ITGAE: variants seen among roughly 807,000 people sequenced by gnomAD.
ITGAE encodes integrin subunit alpha E.
A neutral mutation model predicts 136.5 loss-of-function variants in ITGAE; 99 were observed. The observed-to-expected ratio is 0.73, with a 90% confidence interval of 0.62 to 0.86. The LOEUF (loss-of-function observed/expected upper bound fraction) is 0.86. Ranked by LOEUF, ITGAE falls within the 40% of genes least tolerant of loss-of-function variation. The pLI, the probability that ITGAE is intolerant of heterozygous loss-of-function variation, is 0.00. For synonymous variants in ITGAE, 613 were observed against 591.8 expected, an observed-to-expected ratio of 1.04 and a Z score of -0.52; for missense variants, 1,447 against 1,515.3, an observed-to-expected ratio of 0.95 and a Z score of 0.75.
intron 1 of ITGAE, among the ~76,000 whole-genome samples, chr17:3,796,135 ATG>A (rs145464471): frequency 3.9e-4 from 8 of 20,380 alleles, no homozygotes; most frequent in African/African-American, 1.6e-3. Context: ...GTGTGCATCC[ATG>A]TGTGTGCATC....
At chr17:3,749,028 T>C (rs111492171) in intron 16 of ITGAE, among the ~76,000 whole-genome samples, 3,603 of 152,228 alleles carry the variant, frequency 0.024, 97 homozygotes, top group African/African-American at 0.064. Flanking sequence ...GGAAAGGCTG[T>C]GGCAGCAGTG....
At chr17:3,731,525 A>G (rs2051344048) in intron 22 of ITGAE, among the ~76,000 whole-genome samples, 1 of 151,538 alleles carries the variant, frequency 6.6e-6, no homozygotes, top group Non-Finnish European at 1.5e-5. Context: ...TATTCTTAGT[A>G]GAGACGGGGT....
intron 1 of ITGAE, among the ~76,000 whole-genome samples, chr17:3,797,781 T>C (rs1047060824): frequency 6.6e-6 from 1 of 152,166 alleles, no homozygotes; most frequent in Non-Finnish European, 1.5e-5. Context: ...ACGTTTCTCA[T>C]GAGTGTGTCC....
At position 3,799,474 on chromosome 17, in the gene ITGAE, C is replaced by G. The variant is rs1479696868; in HGVS notation, c.34+1637G>C. 2.0e-5 allele frequency among the ~76,000 whole-genome samples: 3 copies of G among 152,122 alleles called. No homozygotes were observed. The highest frequency in any genetic ancestry group is 4.4e-5 in the Non-Finnish European group (3 of 68,028). On this transcript the variant is annotated intron_variant, in intron 1 of 30. Transcript: ENST00000263087. This position sits in a 1 kb window ranked among gnomAD's most constrained non-coding sequence, Gnocchi z 4.1. ...AGGCACTGAGGTGATGGGTGGTGGTCTCAGAGGCTAAAGGAGACAGATGAG... is the reference window on the plus strand; with the variant it reads ...AGGCACTGAGGTGATGGGTGGTGGTGTCAGAGGCTAAAGGAGACAGATGAG...
At chr17:3,790,650 G>A (rs532299353) in intron 1 of ITGAE, among the ~76,000 whole-genome samples, 6 of 152,198 alleles carry the variant, frequency 3.9e-5, no homozygotes, top group Admixed American at 3.3e-4. Context: ...GGCAGTTTGG[G>A]GAATAAAAAG....
In ITGAE at chr17:3,753,886, G is replaced by C; in HGVS notation, c.1424C>G (p.Ser475Cys). Residue 475 changes from serine (S) to cysteine (C), a missense_variant, in exon 13 of 31, where the codon TCC becomes TGC. Around this residue, in one of 3 missense-constraint regions of ITGAE, gnomAD observed 1,031 missense variants for 1,011.4 expected, o/e 1.02. Coordinates refer to ENST00000263087, the MANE Select transcript of ITGAE (RefSeq NM_002208.5). ...VAVLHKTCSL[S>C]YIAGAPRYKH... ...GTACCGTGGAGCCCCCGCGATGTAGGAGAGGCTGCAGGTCTTGTGCAGCAC... is the reference window on the plus strand; with the variant it reads ...GTACCGTGGAGCCCCCGCGATGTAGCAGAGGCTGCAGGTCTTGTGCAGCAC... The C allele has an allele frequency of 6.2e-7, 1 of 1,614,146 alleles. No homozygotes were observed. Among genetic ancestry groups the C allele is most frequent in the Non-Finnish European group, 8.5e-7 (1 of 1,180,008 alleles).
At chr17:3,769,126 C>A (rs1019891395) in intron 2 of ITGAE, among the ~76,000 whole-genome samples, 1 of 152,162 alleles carries the variant, frequency 6.6e-6, no homozygotes, top group South Asian at 2.1e-4. Flanking sequence ...TGGGCTCCAC[C>A]GCAGACCCCG....
intron 3 of ITGAE, among the ~76,000 whole-genome samples, chr17:3,763,493 A>C (rs1317261054): frequency 3.3e-5 from 5 of 152,208 alleles, no homozygotes; most frequent in Non-Finnish European, 7.3e-5. Context: ...CAACACTAAA[A>C]GTGTGAACTT....
Position 3,759,543 on chromosome 17 carries a change from G to C in ITGAE, c.725C>G (p.Ala242Gly), listed in dbSNP as rs1567539569. Residue 242 changes from alanine to glycine, a missense_variant, in exon 8 of 31, where the codon GCC (alanine) becomes GGC (glycine). Around this residue, in one of 3 missense-constraint regions of ITGAE, gnomAD observed 310 missense variants for 416.1 expected, o/e 0.74. Transcript: ENST00000263087. ...FYEKCFECNF[A>G]LVQYGGVIQT... ...GATCACTCCTCCATACTGCACCAAG[G>C]CAAAGTTGCACTGCAGGGGATGGGC... The C allele has an allele frequency of 6.2e-7, 1 of 1,611,760 alleles. No individual in the cohort carries two copies. The highest frequency in any genetic ancestry group is 8.5e-7 in the Non-Finnish European group (1 of 1,178,074).
chr17:3,735,965 G>A (rs1442519660), intron 20 of ITGAE, among the ~76,000 whole-genome samples: 1 of 152,104 alleles, frequency 6.6e-6, no homozygotes, highest in Admixed American at 6.6e-5. Context: ...CCAAGATGGT[G>A]AAACCCCGTC....
chr17:3,724,369 G>A (rs55991903), intron 26 of ITGAE: 22,687 of 1,604,840 alleles, frequency 0.014, 190 homozygotes, highest in Non-Finnish European at 0.017. Context: ...GACTCCGGCC[G>A]CCTCAGCCCG....
rs200199330 is a variant in ITGAE at position 3,764,007 on chromosome 17, G to A, written c.156-47C>T. 4.6e-5 allele frequency: 62 copies of A among 1,357,316 alleles called. No individual in the cohort carries two copies. In the East Asian group the frequency reaches 1.2e-3, roughly 26 times the overall value. 84.1% of individuals were successfully genotyped at this position (1,357,316 alleles called of 1,614,324 possible). ...AAAGCTGAGCTGGCTGATGTTCCTCGTCTTCTCCCTGCCTGCCCAGCACCC... is the reference window on the plus strand; with the variant it reads ...AAAGCTGAGCTGGCTGATGTTCCTCATCTTCTCCCTGCCTGCCCAGCACCC... On this transcript the variant is annotated intron_variant, in intron 2 of 30. Transcript: ENST00000263087.
rs368584603 is a variant in ITGAE, at chr17:3,725,203, G to A, written c.3085-1459C>T. On this transcript the variant is annotated intron_variant, in intron 26 of 30. Transcript: ENST00000263087. ...TCCCTCCTATCAGAATGTTCAAACC[G>A]GCCTGTCATGAACAGAACAAGTGGT... The A allele has an allele frequency of 1.0e-4, 167 of 1,613,994 alleles. 1 individual carries two copies. The highest frequency in any genetic ancestry group is 4.0e-4 in the South Asian group (36 of 91,084).
chr17:3,796,134 CAT>C (rs2053089907), intron 1 of ITGAE, among the ~76,000 whole-genome samples: 6 of 29,002 alleles, frequency 2.1e-4, no homozygotes, highest in Non-Finnish European at 2.2e-4. Context: ...TGTGTGCATC[CAT>C]GTGTGTGCAT....
chr17:3,801,038 G>T, intron 1 of ITGAE, 73 bp downstream of exon 1: 7 of 1,517,844 alleles, frequency 4.6e-6, no homozygotes, highest in Non-Finnish European at 6.4e-6. Flanking sequence ...GACAGTCAAG[G>T]CTGTAGTCTG....
intron 1 of ITGAE, among the ~76,000 whole-genome samples, chr17:3,793,502 G>A (rs1298410154): frequency 6.6e-6 from 1 of 152,202 alleles, no homozygotes; most frequent in Non-Finnish European, 1.5e-5. Flanking sequence ...ACTCCCTACT[G>A]GGCATCCCTT....
intron 2 of ITGAE, among the ~76,000 whole-genome samples, chr17:3,768,999 G>T (rs529905915): frequency 1.3e-5 from 2 of 152,144 alleles, no homozygotes; most frequent in Non-Finnish European, 2.9e-5. Flanking sequence ...CGGCTCTGCA[G>T]CTGAGCCCCC....
chr17:3,720,281 C>A, intron 29 of ITGAE, 26 bp downstream of exon 29: 1 of 1,163,372 alleles, frequency 8.6e-7, no homozygotes. Context: ...TCCTTGGGCA[C>A]TACTCAGAAG....
intron 1 of ITGAE, among the ~76,000 whole-genome samples, chr17:3,792,802 T>C (rs1320946853): frequency 6.6e-6 from 1 of 152,210 alleles, no homozygotes; most frequent in East Asian, 1.9e-4. Flanking sequence ...GTTAATGCCA[T>C]GCGGTGTCCA....
Sources: allele counts gnomAD v4.1 joint callset (sites outside exome capture counted in the v4.1 genomes callset), GRCh38; gene constraint gnomAD v4.1.1; regional missense constraint gnomAD v4.1.1; non-coding constraint Gnocchi (gnomAD v3.1); transcripts MANE v1.5; gene names NCBI Gene and HGNC (gene_info 2026-07-23, HGNC 2026-07-21).